Variants in TBC1D5 observed in about 807,000 individuals in gnomAD.
The protein encoded by TBC1D5 is TBC1 domain family, member 5.
A neutral mutation model predicts 100.3 loss-of-function variants in TBC1D5; 75 were observed. That is an observed-to-expected ratio of 0.75 (90% CI 0.62 to 0.91). The LOEUF is 0.91. Among genes scored for constraint, TBC1D5 ranks in the 40% least tolerant of loss-of-function variants. The probability of loss-of-function intolerance (pLI) is 0.00; values close to 1 mark genes in which losing one functional copy is unlikely to be tolerated. For synonymous variants in TBC1D5, 323 were observed against 325.6 expected (o/e 0.99, Z 0.09); for missense variants, 910 against 942.4 (o/e 0.97, Z 0.45).
At chr3:17,381,189 T>G in intron 9 of TBC1D5, among the ~76,000 whole-genome samples, 1 of 152,072 alleles carries the variant, frequency 6.6e-6, no homozygotes, top group Non-Finnish European at 1.5e-5. Context: ...TATTCCTGAG[T>G]AGTCTTCTAT....
intron 1 of TBC1D5, among the ~76,000 whole-genome samples, chr3:17,713,078 G>T (rs1272534948): frequency 6.6e-6 from 1 of 151,972 alleles, no homozygotes; most frequent in Non-Finnish European, 1.5e-5. Context: ...TCGTCTCCTG[G>T]TTCTTTTCTG....
chr3:17,200,534 T>C (rs2071338128), intron 18 of TBC1D5, among the ~76,000 whole-genome samples: 1 of 152,250 alleles, frequency 6.6e-6, no homozygotes, highest in African/African-American at 2.4e-5. Context: ...GGGAACCTGT[T>C]TGATCCTGAA....
chr3:17,563,950 T>C (rs1258666697), intron 2 of TBC1D5, among the ~76,000 whole-genome samples: 1 of 152,070 alleles, frequency 6.6e-6, no homozygotes, highest in East Asian at 1.9e-4. Context: ...GCCTGGCTAA[T>C]TTTTTGTATT....
intron 1 of TBC1D5, among the ~76,000 whole-genome samples, chr3:17,724,806 T>C (rs1379650648): frequency 1.3e-5 from 2 of 152,184 alleles, no homozygotes; most frequent in African/African-American, 2.4e-5. Context: ...TAAATATATA[T>C]CTTACCCTCT....
intron 2 of TBC1D5, among the ~76,000 whole-genome samples, chr3:17,612,888 CT>C (rs1236647091): frequency 0.023 from 2,990 of 131,760 alleles, 41 homozygotes; most frequent in African/African-American, 0.048. Flanking sequence ...GCCCCCTTTT[CT>C]TTTTTTTTTT....
At chr3:17,220,662 A>C (rs2074168951) in intron 17 of TBC1D5, among the ~76,000 whole-genome samples, 1 of 152,082 alleles carries the variant, frequency 6.6e-6, no homozygotes, top group African/African-American at 2.4e-5. Context: ...TTCTTTTCAT[A>C]AATTTCTCCT....
intron 2 of TBC1D5, among the ~76,000 whole-genome samples, chr3:17,616,955 C>T (rs2062217922): frequency 1.3e-5 from 2 of 152,056 alleles, no homozygotes; most frequent in Admixed American, 6.5e-5. Flanking sequence ...TTATTTTGCC[C>T]GTTAATTGAT....
chr3:17,584,599 AT>A (rs1429368618), intron 2 of TBC1D5, among the ~76,000 whole-genome samples: 2 of 152,074 alleles, frequency 1.3e-5, no homozygotes, highest in African/African-American at 2.4e-5. Flanking sequence ...AATAAACTTC[AT>A]TTTTTAAATG....
chr3:17,204,551 G>A (rs750784286), intron 18 of TBC1D5, among the ~76,000 whole-genome samples: 4 of 152,106 alleles, frequency 2.6e-5, no homozygotes, highest in Admixed American at 6.6e-5. Flanking sequence ...TTCAGCATGG[G>A]TACAATCTGG....
At chr3:17,718,467 G>T (rs1328056716) in intron 1 of TBC1D5, among the ~76,000 whole-genome samples, 1 of 152,012 alleles carries the variant, frequency 6.6e-6, no homozygotes, top group Non-Finnish European at 1.5e-5. Context: ...CATGGTGGCG[G>T]GCACCTGTAG....
intron 1 of TBC1D5, among the ~76,000 whole-genome samples, chr3:17,677,833 C>T (rs1486769255): frequency 3.3e-5 from 5 of 152,182 alleles, no homozygotes. Context: ...ATGATGAGTT[C>T]ATGTCCTTTG....
chr3:17,562,272 A>C (rs762316732), intron 2 of TBC1D5: 1 of 152,130 alleles, frequency 6.6e-6, no homozygotes, highest in East Asian at 1.9e-4. Flanking sequence ...GGCAAAACAT[A>C]AATGGATTTT....
intron 4 of TBC1D5, among the ~76,000 whole-genome samples, chr3:17,426,028 T>C (rs986959096): frequency 9.3e-6 from 1 of 107,638 alleles, no homozygotes; most frequent in African/African-American, 5.1e-5. Flanking sequence ...TATGAGTATG[T>C]TGGTGTAGGT....
At chr3:17,192,331 AC>A (rs1395343371) in intron 18 of TBC1D5, among the ~76,000 whole-genome samples, 3 of 152,018 alleles carry the variant, frequency 2.0e-5, no homozygotes, top group Non-Finnish European at 4.4e-5. Context: ...TCTAAACGAC[AC>A]TAAATAGAGA....
intron 1 of TBC1D5, among the ~76,000 whole-genome samples, chr3:17,628,183 A>G (rs762434934): frequency 6.6e-6 from 1 of 152,156 alleles, no homozygotes; most frequent in East Asian, 1.9e-4. Context: ...AGCCTGGCCA[A>G]CATGGCGAAA....
At chr3:17,615,365 GC>G (rs1023831649) in intron 2 of TBC1D5, among the ~76,000 whole-genome samples, 2 of 152,126 alleles carry the variant, frequency 1.3e-5, no homozygotes, top group African/African-American at 4.8e-5. Context: ...CTATGTCTCT[GC>G]CAGGTGTTGG....
At chr3:17,516,907 T>TA (rs202125463) in intron 2 of TBC1D5, among the ~76,000 whole-genome samples, 22 of 151,248 alleles carry the variant, frequency 1.5e-4, no homozygotes, top group Admixed American at 8.6e-4. Context: ...TTCTATTCCT[T>TA]AAAAAAAAAT....
chr3:17,428,552 G>T, intron 3 of TBC1D5, 33 bp from the exon 4 acceptor site: 2 of 1,194,918 alleles, frequency 1.7e-6, no homozygotes, highest in Admixed American at 2.6e-5. Context: ...TGAAATAATG[G>T]AGATAAACTG....
At chr3:17,222,589 G>A (rs1402646376) in intron 17 of TBC1D5, among the ~76,000 whole-genome samples, 3 of 151,936 alleles carry the variant, frequency 2.0e-5, no homozygotes, top group African/African-American at 7.3e-5. Flanking sequence ...TCCGGCCTTC[G>A]GTTTTACCAA....
Sources: allele counts gnomAD v4.1 joint callset (sites outside exome capture counted in the v4.1 genomes callset), GRCh38; gene constraint gnomAD v4.1.1; transcripts MANE v1.5; gene names NCBI Gene and HGNC (gene_info 2026-07-23, HGNC 2026-07-21).